The following HOXD3 variants were observed in gnomAD, a reference collection of about 807,000 sequenced individuals.
The protein encoded by HOXD3 is homeobox D3.
Under a neutral mutation model 32.8 loss-of-function variants are expected in HOXD3, and 13 were observed. The ratio of observed to expected loss-of-function variants is 0.40; its 90% confidence interval spans 0.26 to 0.63. The LOEUF (loss-of-function observed/expected upper bound fraction) is 0.63, where lower values mean the gene tolerates loss of function less well. Ranked by LOEUF, HOXD3 falls within the 20% of genes least tolerant of loss-of-function variation. The pLI, the probability that HOXD3 is intolerant of heterozygous loss-of-function variation, is 0.44. For synonymous variants in HOXD3, 241 were observed against 246.8 expected (o/e 0.98, Z 0.22); for missense variants, 504 against 577.1 (o/e 0.87, Z 1.30).
chr2:176,160,210 G>A (rs1451461614), intron 1 of HOXD3, among the ~76,000 whole-genome samples: 1 of 152,194 alleles, frequency 6.6e-6, no homozygotes, highest in Non-Finnish European at 1.5e-5. Context: ...ATGAGGCTGC[G>A]GAGTACTCCG....
upstream of HOXD3, among the ~76,000 whole-genome samples, chr2:176,154,598 G>A (rs1690607443): frequency 6.6e-6 from 1 of 152,048 alleles, no homozygotes; most frequent in African/African-American, 2.4e-5. Flanking sequence ...TAAGTGGGAG[G>A]GAAAAAAGAG....
intron 1 of HOXD3, among the ~76,000 whole-genome samples, chr2:176,160,438 T>G (rs1436812536): frequency 6.6e-6 from 1 of 151,878 alleles, no homozygotes; most frequent in African/African-American, 2.4e-5. Context: ...GCTGCGAAAA[T>G]GTGTTCTTTC....
Position 176,171,560 on chromosome 2 carries a change from G to A in HOXD3, c.585G>A (p.Lys195=), listed in dbSNP as rs747807715. 5.6e-6 allele frequency: 9 copies of A among 1,607,920 alleles called. No individual in the cohort carries two copies. The highest frequency in any genetic ancestry group is 7.7e-6 in the Non-Finnish European group (9 of 1,176,372). The part of the protein sequence containing the change: ...EDKSPPGPAS[K]RVRTAYTSAQ... ...AGAGCCCGCCAGGCCCAGCATCCAA[G>A]CGGGTACGCACGGCATACACGAGCG... The change falls in exon 4 of 4, where the codon AAG becomes AAA. Residue 195 remains lysine, a synonymous_variant. Transcript: ENST00000683222.
intron 1 of HOXD3, among the ~76,000 whole-genome samples, chr2:176,158,266 G>T (rs887634191): frequency 6.6e-6 from 1 of 152,344 alleles, no homozygotes; most frequent in Non-Finnish European, 1.5e-5. Context: ...AAAGGAGGAT[G>T]GGGGAGAGGC....
intron 1 of HOXD3, among the ~76,000 whole-genome samples, chr2:176,159,232 G>A (rs909193685): frequency 7.2e-5 from 11 of 151,954 alleles, no homozygotes; most frequent in Admixed American, 2.0e-4. Flanking sequence ...GGGGTCCTCC[G>A]GGTGGGGGTG....
upstream of HOXD3, chr2:176,153,223 A>C (rs1257307329): frequency 4.4e-6 from 2 of 454,704 alleles, no homozygotes; most frequent in Non-Finnish European, 4.0e-6. Context: ...ACTTATGAAA[A>C]TCACCGCTCT....
At position 176,169,509 on chromosome 2, in the gene HOXD3, C is replaced by A; in HGVS notation, c.395C>A (p.Thr132Asn). The A allele has an allele frequency of 6.2e-7, 1 of 1,614,108 alleles. No homozygotes were observed. Reference sequence around the variant, plus strand: ...CCGACCCTGCCCCCATCTTCACCCACCAATCCTGGAGGTGGAGTGCCTGCC... The same window carrying A: ...CCGACCCTGCCCCCATCTTCACCCAACAATCCTGGAGGTGGAGTGCCTGCC... ...PPPTLPPSSP[T>N]NPGGGVPAKK... is the part of the protein sequence containing the mutation. The change falls in exon 3 of 4, where the codon ACC becomes AAC. Residue 132 changes from threonine to asparagine, a missense_variant. Thr to Asn is a moderately conservative substitution (Grantham distance 65, BLOSUM62 0). Around this residue, in one of 3 missense-constraint regions of HOXD3, gnomAD observed 181 missense variants for 172.2 expected, o/e 1.05. Coordinates refer to ENST00000683222, the MANE Select transcript of HOXD3 (RefSeq NM_006898.5).
At chr2:176,170,802 T>TAG (rs1691144779) in intron 3 of HOXD3, among the ~76,000 whole-genome samples, 1 of 151,966 alleles carries the variant, frequency 6.6e-6, no homozygotes, top group Non-Finnish European at 1.5e-5. Flanking sequence ...GGTGGCAGGG[T>TAG]AGTAAAAGCC....
intron 1 of HOXD3, among the ~76,000 whole-genome samples, chr2:176,157,858 G>A (rs1001406560): frequency 6.6e-6 from 1 of 152,112 alleles, no homozygotes; most frequent in African/African-American, 2.4e-5. Flanking sequence ...GCGCACGCGG[G>A]CCGAGGTTGC....
rs1691096974 is a variant in HOXD3 at position 176,169,309 on chromosome 2, T to C, written c.195T>C (p.Gly65=). 1 of 1,613,758 alleles carries C rather than the reference T, an allele frequency of 6.2e-7. No homozygotes were observed. The highest frequency in any genetic ancestry group is 8.5e-7 in the Non-Finnish European group (1 of 1,179,962). ...AASSLDTDYP[G]SACSIQSSAP... ...GCTCCCTGGACACTGACTATCCAGG[T>C]TCTGCCTGCTCCATCCAGAGCTCTG... Residue 65 remains glycine (G), a synonymous_variant, in exon 3 of 4, where the codon GGT becomes GGC. Transcript: ENST00000683222.
At chr2:176,167,355 A>G (rs1691004385) in intron 2 of HOXD3, among the ~76,000 whole-genome samples, 1 of 152,196 alleles carries the variant, frequency 6.6e-6, no homozygotes, top group Non-Finnish European at 1.5e-5. Context: ...TAAAGTTATA[A>G]AGCATTCTCC....
At position 176,171,562 on chromosome 2, in the gene HOXD3, G is replaced by C. The variant is rs1691185275; in HGVS notation, c.587G>C (p.Arg196Pro). 1 of 1,608,708 alleles carries C rather than the reference G, an allele frequency of 6.2e-7. No individual in the cohort carries two copies. Among genetic ancestry groups the C allele is most frequent in the African/African-American group, 1.3e-5 (1 of 74,884 alleles). ...DKSPPGPASK[R>P]VRTAYTSAQL... ...AGCCCGCCAGGCCCAGCATCCAAGCGGGTACGCACGGCATACACGAGCGCG... is the reference window on the plus strand; with the variant it reads ...AGCCCGCCAGGCCCAGCATCCAAGCCGGTACGCACGGCATACACGAGCGCG... The change falls in exon 4 of 4, where the codon CGG becomes CCG. Residue 196 changes from arginine (R) to proline (P), a missense_variant. Transcript: ENST00000683222.
intron 1 of HOXD3, among the ~76,000 whole-genome samples, chr2:176,159,336 G>A (rs1690725449): frequency 1.3e-5 from 2 of 152,160 alleles, no homozygotes. Flanking sequence ...GCTCGTAGAC[G>A]GTTCTGGGGG....
chr2:176,163,356 C>G (rs1174086175), intron 1 of HOXD3, among the ~76,000 whole-genome samples: 2 of 151,100 alleles, frequency 1.3e-5, no homozygotes, highest in Non-Finnish European at 2.9e-5. Flanking sequence ...GGGGTGGTCA[C>G]CCGCTGAGCG....
chr2:176,168,651 A>C (rs1691069137), intron 2 of HOXD3, among the ~76,000 whole-genome samples: 1 of 152,086 alleles, frequency 6.6e-6, no homozygotes, highest in African/African-American at 2.4e-5. Flanking sequence ...GGACTCTGAA[A>C]TACTCTGAAA....
intron 2 of HOXD3, chr2:176,165,710 G>C (rs909065820): frequency 6.6e-6 from 1 of 152,406 alleles, no homozygotes; most frequent in Admixed American, 6.5e-5. Context: ...TGGAAGAAAT[G>C]AGAAGCCGTG....
intron 2 of HOXD3, among the ~76,000 whole-genome samples, chr2:176,168,823 A>G (rs1691076661): frequency 6.6e-6 from 1 of 151,530 alleles, no homozygotes; most frequent in South Asian, 2.1e-4. Flanking sequence ...GCAGTGAGCC[A>G]TGTTCATGCC....
At chr2:176,158,786 A>C (rs1303876582) in intron 1 of HOXD3, among the ~76,000 whole-genome samples, 2 of 151,808 alleles carry the variant, frequency 1.3e-5, no homozygotes. Context: ...AGCTGCTTGC[A>C]TTTTTCTCAA....
Position 176,171,558 on chromosome 2 carries a change from A to C in HOXD3, c.583A>C (p.Lys195Gln), listed in dbSNP as rs780732506. Residue 195 changes from lysine (K) to glutamine (Q), a missense_variant, in exon 4 of 4, where the codon AAG becomes CAG. Coordinates refer to ENST00000683222, the MANE Select transcript of HOXD3 (RefSeq NM_006898.5). ...EDKSPPGPASKRVRTAYTSAQ... is the reference protein window; with the variant it reads ...EDKSPPGPASQRVRTAYTSAQ... ...CAAGAGCCCGCCAGGCCCAGCATCC[A>C]AGCGGGTACGCACGGCATACACGAG... The C allele has an allele frequency of 1.2e-6, 2 of 1,607,286 alleles. No individual in the cohort carries two copies. The highest frequency in any genetic ancestry group is 2.2e-5 in the South Asian group (2 of 89,890).
Sources: gnomAD v4.1 joint callset for allele counts (sites outside exome capture counted in the v4.1 genomes callset) on GRCh38, gnomAD v4.1.1 for gene constraint, gnomAD v4.1.1 regional missense constraint, MANE v1.5 for transcripts, NCBI Gene and HGNC (gene_info 2026-07-23, HGNC 2026-07-21) for gene names.